GLG1: variants seen among roughly 807,000 people sequenced by gnomAD.
GLG1 encodes Golgi apparatus protein 1.
A neutral mutation model predicts 160.5 loss-of-function variants in GLG1; 38 were observed. That is an observed-to-expected ratio of 0.24 (90% CI 0.18 to 0.31). The LOEUF is 0.31. Ranked by LOEUF, GLG1 falls within the 10% of genes least tolerant of loss-of-function variation. The pLI, the probability that GLG1 is intolerant of heterozygous loss-of-function variation, is 1.00. For missense variants in GLG1, 1,373 were observed against 1,505.2 expected (o/e 0.91, Z 1.45); for synonymous variants, 644 against 543.4 (o/e 1.19, Z -2.57).
intron 1 of GLG1, among the ~76,000 whole-genome samples, chr16:74,579,508 G>A (rs1290018796): frequency 6.8e-6 from 1 of 147,348 alleles, no homozygotes; most frequent in Non-Finnish European, 1.5e-5. Context: ...GATCACCTGA[G>A]GTCAGGAGTT....
intron 1 of GLG1, among the ~76,000 whole-genome samples, chr16:74,597,722 C>A (rs905569481): frequency 6.6e-6 from 1 of 151,004 alleles, no homozygotes; most frequent in Non-Finnish European, 1.5e-5. Context: ...GGCATGGTGG[C>A]GGGCGCCTGT....
intron 1 of GLG1, among the ~76,000 whole-genome samples, chr16:74,599,015 T>C (rs748215593): frequency 2.0e-5 from 3 of 152,126 alleles, no homozygotes; most frequent in Non-Finnish European, 4.4e-5. Flanking sequence ...CAGCATTTCA[T>C]CTTTTGGACT....
At chr16:74,598,609 A>G (rs985813812) in intron 1 of GLG1, among the ~76,000 whole-genome samples, 25 of 141,716 alleles carry the variant, frequency 1.8e-4, no homozygotes, top group Non-Finnish European at 1.7e-4. Flanking sequence ...ATATATAAAT[A>G]AGGCCGGGCG....
At chr16:74,485,159 G>A (rs1460032176) in intron 9 of GLG1, among the ~76,000 whole-genome samples, 3 of 152,078 alleles carry the variant, frequency 2.0e-5, no homozygotes, top group African/African-American at 7.2e-5. Context: ...CTCTCACCTC[G>A]GCCTCCCAAA....
Position 74,450,474 on chromosome 16 carries a change from T to G in GLG1, c.*2693A>C, listed in dbSNP as rs1263347492. The stretch of plus-strand genomic sequence containing the variant: ...GCCAGTCATTGGAAAATGCTCCAAG[T>G]AAGATGATGAAAGACATTCTTGTAA... On this transcript the variant is annotated 3_prime_UTR_variant, in exon 26 of 26. Transcript: ENST00000422840. 1.3e-5 allele frequency: 2 copies of G among 152,176 alleles called. No homozygotes were observed. The highest frequency in any genetic ancestry group is 2.4e-5 in the African/African-American group (1 of 41,404). The allele number at this position is 152,176 out of a possible 1,614,324, so 9.4% of individuals were successfully genotyped here. A position where few individuals can be genotyped will look rare whatever the true frequency, so the allele number is the denominator to read the frequency against.
chr16:74,490,844 T>C lies in GLG1; in HGVS notation c.1449+157A>G, dbSNP rs1246883941. ...CAAATGTCACATTCTTACTAAGATA[T>C]GCCTGAAGAAGCAACGTTCAGTCTC... On this transcript the variant is annotated intron_variant, in intron 8 of 25. Coordinates refer to ENST00000422840, the MANE Select transcript of GLG1 (RefSeq NM_001145667.2). Among the ~76,000 whole-genome samples the C allele has an allele frequency of 2.0e-5, 3 of 152,228 alleles. No homozygotes were observed. The East Asian group carries it at 5.8e-4, about 29-fold the overall frequency.
At chr16:74,497,466 C>T (rs1243636318) in intron 4 of GLG1, among the ~76,000 whole-genome samples, 1 of 123,566 alleles carries the variant, frequency 8.1e-6, no homozygotes, top group Non-Finnish European at 1.6e-5. Flanking sequence ...GAGACGGAGT[C>T]TCGCTCTTTC....
chr16:74,524,972 A>C (rs926629906), intron 2 of GLG1, among the ~76,000 whole-genome samples: 1 of 152,208 alleles, frequency 6.6e-6, no homozygotes, highest in African/African-American at 2.4e-5. Context: ...ATGTTGTAAC[A>C]TGTATTAGTA....
At chr16:74,495,104 GT>G (rs1238926084) in intron 5 of GLG1, among the ~76,000 whole-genome samples, 2 of 122,276 alleles carry the variant, frequency 1.6e-5, no homozygotes, top group Admixed American at 1.2e-4. Flanking sequence ...TAGAGTCTGA[GT>G]CTTTTTTTTT....
At chr16:74,568,397 AG>A (rs2018720570) in intron 1 of GLG1, among the ~76,000 whole-genome samples, 1 of 31,538 alleles carries the variant, frequency 3.2e-5, no homozygotes, top group Non-Finnish European at 5.1e-5. Flanking sequence ...AGCAGAAAGA[AG>A]TATCAGAATA....
intron 2 of GLG1, among the ~76,000 whole-genome samples, chr16:74,513,384 G>A (rs1382632725): frequency 6.6e-6 from 1 of 152,136 alleles, no homozygotes; most frequent in African/African-American, 2.4e-5. Context: ...ACACCTCCCA[G>A]TAGGGGCCAA....
intron 1 of GLG1, among the ~76,000 whole-genome samples, chr16:74,551,635 A>G (rs992167499): frequency 1.3e-5 from 2 of 151,634 alleles, no homozygotes; most frequent in African/African-American, 4.8e-5. Flanking sequence ...TAAATAAAAG[A>G]AAATACAACT....
rs866081663 is a variant in GLG1 at position 74,489,820 on chromosome 16, G to C, written c.1449+1181C>G. Reference sequence around the variant, plus strand: ...GCACACATGCACTGGTGTCTACTCTGGGTCAAGGTGAGTAACTAAAGCTAA... The same window carrying C: ...GCACACATGCACTGGTGTCTACTCTCGGTCAAGGTGAGTAACTAAAGCTAA... On this transcript the variant is annotated intron_variant, in intron 8 of 25. Coordinates refer to ENST00000422840, the MANE Select transcript of GLG1 (RefSeq NM_001145667.2). 3.3e-5 allele frequency among the ~76,000 whole-genome samples: 5 copies of C among 152,288 alleles called. No homozygotes were observed. The South Asian group carries it at 1.0e-3, about 32-fold the overall frequency.
intron 2 of GLG1, among the ~76,000 whole-genome samples, chr16:74,515,237 C>T (rs969727505): frequency 8.5e-5 from 13 of 152,090 alleles, no homozygotes; most frequent in African/African-American, 1.9e-4. Context: ...GACATATCAA[C>T]GAGACAGAAA....
At chr16:74,520,610 C>T (rs1331928873) in intron 2 of GLG1, among the ~76,000 whole-genome samples, 4 of 151,972 alleles carry the variant, frequency 2.6e-5, no homozygotes, top group Non-Finnish European at 5.9e-5. Context: ...CACTCCAGCC[C>T]GGACAACAAG....
chr16:74,498,709 T>G (rs1283958445), intron 4 of GLG1, among the ~76,000 whole-genome samples: 1 of 148,106 alleles, frequency 6.8e-6, no homozygotes, highest in African/African-American at 2.5e-5. Context: ...TACTAAAAAT[T>G]CAAAAATTAG....
intron 1 of GLG1, among the ~76,000 whole-genome samples, chr16:74,588,972 T>C (rs186629147): frequency 0.012 from 1,844 of 151,806 alleles, 34 homozygotes; most frequent in African/African-American, 0.043. Flanking sequence ...CCGGGCATGG[T>C]GGCTCATGCT....
intron 12 of GLG1, among the ~76,000 whole-genome samples, chr16:74,476,793 G>A (rs2015402520): frequency 6.6e-6 from 1 of 152,114 alleles, no homozygotes; most frequent in Non-Finnish European, 1.5e-5. Flanking sequence ...CTGAATTTTA[G>A]GTAAGGGAAT....
At chr16:74,523,510 A>T (rs1044799136) in intron 2 of GLG1, among the ~76,000 whole-genome samples, 1 of 152,148 alleles carries the variant, frequency 6.6e-6, no homozygotes, top group African/African-American at 2.4e-5. Flanking sequence ...CAGAATCTAT[A>T]GTCAATGTAA....
Sources: allele counts gnomAD v4.1 joint callset (sites outside exome capture counted in the v4.1 genomes callset), GRCh38; gene constraint gnomAD v4.1.1; transcripts MANE v1.5; gene names NCBI Gene and HGNC (gene_info 2026-07-23, HGNC 2026-07-21).